Variants in BRWD1 observed in about 807,000 individuals in gnomAD.
BRWD1 encodes the protein bromodomain and WD repeat-containing protein 1.
Under a neutral mutation model 251.2 loss-of-function variants are expected in BRWD1, and 82 were observed. That is an observed-to-expected ratio of 0.33 (90% CI 0.27 to 0.39). The LOEUF is 0.39. Ranked by LOEUF, BRWD1 falls within the 10% of genes least tolerant of loss-of-function variation. The pLI is 1.00. For missense variants in BRWD1, 2,233 were observed against 2,711.6 expected (o/e 0.82, Z 3.92); for synonymous variants, 918 against 902.8 (o/e 1.02, Z -0.30).
Position 39,311,112 on chromosome 21 carries a change from A to G in BRWD1, c.198+1729T>C, listed in dbSNP as rs1305508263. ...CACAGAATTTAAGTGATTTTAAACA[A>G]TAGTAAGTAGGGTTTTAAGCAATTC... On this transcript the variant is annotated intron_variant, in intron 4 of 40. Transcript: ENST00000342449. 5.3e-5 allele frequency among the ~76,000 whole-genome samples: 8 copies of G among 152,124 alleles called. No individual in the cohort carries two copies. The South Asian group carries it at 1.5e-3, about 28-fold the overall frequency.
At position 39,190,444 on chromosome 21, in the gene BRWD1, TAAACTCCTAGA is replaced by T; in HGVS notation, c.*5804_*5814del. On this transcript the variant is annotated 3_prime_UTR_variant, in exon 41 of 41. Coordinates refer to ENST00000342449, the MANE Select transcript of BRWD1 (RefSeq NM_033656.4). The stretch of plus-strand genomic sequence containing the variant: ...AATGAAAACATACTAGCCTCTTTCA[TAAACTCCTAGA>T]ATCTTGACATTATTGGTTGCTGTGG... 1 of 985,374 alleles carries T rather than the reference TAAACTCCTAGA, an allele frequency of 1.0e-6. No homozygotes were observed. Among genetic ancestry groups the T allele is most frequent in the Non-Finnish European group, 1.2e-6 (1 of 829,892 alleles). 61.0% of individuals were successfully genotyped at this position (985,374 alleles called of 1,614,324 possible).
chr21:39,189,384 T>A lies in BRWD1; in HGVS notation c.*6875A>T. On this transcript the variant is annotated 3_prime_UTR_variant, in exon 41 of 41. Coordinates refer to ENST00000342449, the MANE Select transcript of BRWD1 (RefSeq NM_033656.4). Reference sequence around the variant, plus strand: ...CATTTTGATGTGTGATCAAAGTACCTATACTGACAATTTAGGAACCTAGTA... The same window carrying A: ...CATTTTGATGTGTGATCAAAGTACCAATACTGACAATTTAGGAACCTAGTA... 4 of 981,232 alleles carry A rather than the reference T, an allele frequency of 4.1e-6. No homozygotes were observed. Among genetic ancestry groups the A allele is most frequent in the Non-Finnish European group, 4.8e-6 (4 of 826,116 alleles). The allele number at this position is 981,232 out of a possible 1,614,324, so 60.8% of individuals were successfully genotyped here.
intron 19 of BRWD1, among the ~76,000 whole-genome samples, chr21:39,251,773 C>A (rs960265735): frequency 2.0e-5 from 3 of 152,158 alleles, no homozygotes; most frequent in African/African-American, 7.2e-5. Context: ...AGATTTTCAG[C>A]TTGCAGCCAA....
intron 27 of BRWD1, among the ~76,000 whole-genome samples, chr21:39,227,661 A>C (rs1353252710): frequency 6.6e-6 from 1 of 152,174 alleles, no homozygotes; most frequent in Non-Finnish European, 1.5e-5. Context: ...GTTATAAAGC[A>C]AAGTGTATAT....
chr21:39,291,088 G>A (rs775978456), intron 8 of BRWD1, among the ~76,000 whole-genome samples: 3 of 152,124 alleles, frequency 2.0e-5, no homozygotes, highest in Non-Finnish European at 4.4e-5. Context: ...CTGCACCACA[G>A]CACTCCGCCT....
rs1238450403 is a variant in BRWD1 at position 39,195,151 on chromosome 21, A to C, written c.*1108T>G. On this transcript the variant is annotated 3_prime_UTR_variant, in exon 41 of 41. Transcript: ENST00000342449. ...TGGACTAGAAGTCACTAATAAAGAT[A>C]CATTTAGTTGCCCCAGCAAAGAATG... The C allele has an allele frequency of 9.1e-7, 1 of 1,093,266 alleles. No homozygotes were observed. Among genetic ancestry groups the C allele is most frequent in the East Asian group, 7.2e-5 (1 of 13,980 alleles). The allele number at this position is 1,093,266 out of a possible 1,614,324, so 67.7% of individuals were successfully genotyped here.
At chr21:39,244,852 CA>C (rs1265664829) in intron 21 of BRWD1, among the ~76,000 whole-genome samples, 4 of 147,364 alleles carry the variant, frequency 2.7e-5, no homozygotes, top group Non-Finnish European at 5.9e-5. Flanking sequence ...TATTCCAAAC[CA>C]TGATACAACC....
intron 36 of BRWD1, among the ~76,000 whole-genome samples, chr21:39,208,201 T>C (rs117826786): frequency 0.011 from 1,640 of 152,250 alleles, 20 homozygotes; most frequent in Non-Finnish European, 0.017. Context: ...CTTTCAATGG[T>C]GAACTGTATG....
At chr21:39,244,520 C>T (rs1183006837) in intron 21 of BRWD1, among the ~76,000 whole-genome samples, 1 of 152,142 alleles carries the variant, frequency 6.6e-6, no homozygotes, top group Non-Finnish European at 1.5e-5. Context: ...AGAATAGTGC[C>T]TCCCAGGCAT....
At chr21:39,319,818 C>A (rs752449547) in intron 1 of BRWD1, among the ~76,000 whole-genome samples, 1 of 152,176 alleles carries the variant, frequency 6.6e-6, no homozygotes, top group African/African-American at 2.4e-5. Flanking sequence ...TTAAAGTTCT[C>A]CCTGACTCTC....
At chr21:39,314,070 GC>G, upstream of BRWD1, 1 of 456,022 alleles carries the variant, frequency 2.2e-6, no homozygotes, top group Middle Eastern at 3.3e-4. Context: ...GCTCCGGGTC[GC>G]TCGGAAGGGT....
At chr21:39,259,478 T>C (rs189773256) in intron 17 of BRWD1, among the ~76,000 whole-genome samples, 396 of 152,064 alleles carry the variant, frequency 2.6e-3, no homozygotes, top group African/African-American at 9.0e-3. Context: ...TTCTTTTTTT[T>C]CAGTAGAGAC....
chr21:39,276,937 A>G (rs577436778), intron 11 of BRWD1, among the ~76,000 whole-genome samples: 24 of 152,346 alleles, frequency 1.6e-4, no homozygotes, highest in Admixed American at 7.2e-4. Context: ...ATTAGAATAG[A>G]ATTAACAAAA....
chr21:39,213,483 A>T lies in BRWD1; in HGVS notation c.3856T>A (p.Leu1286Met), dbSNP rs1205784659. The T allele has an allele frequency of 6.2e-7, 1 of 1,609,906 alleles. No individual in the cohort carries two copies. Among genetic ancestry groups the T allele is most frequent in the Admixed American group, 1.7e-5 (1 of 59,446 alleles). The change falls in exon 33 of 41, where the codon TTG becomes ATG. Residue 1286 changes from leucine (L) to methionine (M), a missense_variant and splice_region_variant. By Grantham distance (15) the Leu-to-Met change is conservative. Coordinates refer to ENST00000342449, the MANE Select transcript of BRWD1 (RefSeq NM_033656.4). ...SENDEQNAED[L>M]DDSDLPKTSS... ...TATAAAATCAACAAACTTCATACCA[A>T]ATCCTCAGCATTTTGCTCATCATTT...
Position 39,232,486 on chromosome 21 carries a change from T to A in BRWD1, c.2779A>T (p.Met927Leu). The change falls in exon 24 of 41, where the codon ATG becomes TTG. Residue 927 changes from methionine (M) to leucine (L), a missense_variant. By Grantham distance (15) the Met-to-Leu change is conservative. This residue lies in a region of BRWD1 where 214 missense variants were observed against 222.0 expected (regional missense o/e 0.96). Coordinates refer to ENST00000342449, the MANE Select transcript of BRWD1 (RefSeq NM_033656.4). Reference sequence around the variant, plus strand: ...ATATTTGCAAGCTCTGCTGGAGTCATCCTCCGCAAATTCTACCAAGGGGAA... The same window carrying A: ...ATATTTGCAAGCTCTGCTGGAGTCAACCTCCGCAAATTCTACCAAGGGGAA... ...NKPKKENLRRMTPAELANMEH... is the reference protein window; with the variant it reads ...NKPKKENLRRLTPAELANMEH... 1 of 1,588,002 alleles carries A rather than the reference T, an allele frequency of 6.3e-7. No homozygotes were observed. The highest frequency in any genetic ancestry group is 8.5e-7 in the Non-Finnish European group (1 of 1,174,160).
At chr21:39,235,361 A>T (rs1176799767) in intron 23 of BRWD1, 1 of 152,588 alleles carries the variant, frequency 6.6e-6, no homozygotes, top group African/African-American at 2.4e-5. Flanking sequence ...CAATGACAGC[A>T]TTCTTATAAA....
intron 4 of BRWD1, among the ~76,000 whole-genome samples, chr21:39,303,615 A>G (rs1289139797): frequency 6.6e-6 from 1 of 151,064 alleles, no homozygotes; most frequent in Non-Finnish European, 1.5e-5. Context: ...AGATCATTTG[A>G]GCTCAGGAGT....
chr21:39,249,943 T>C (rs891934892), intron 20 of BRWD1, among the ~76,000 whole-genome samples: 16 of 148,072 alleles, frequency 1.1e-4, no homozygotes, highest in Non-Finnish European at 6.0e-5. Context: ...TGTGTGTGTG[T>C]GTGTGTGTGT....
Position 39,192,787 on chromosome 21 carries a change from G to A in BRWD1, c.*3472C>T, listed in dbSNP as rs1413456527. On this transcript the variant is annotated 3_prime_UTR_variant, in exon 41 of 41. Coordinates refer to ENST00000342449, the MANE Select transcript of BRWD1 (RefSeq NM_033656.4). ...AAAGATCGTAAGCACCTTTAACAAT[G>A]TTCTTGCATTCTACTGATATACAAA... 1.0e-6 allele frequency: 1 copy of A among 985,034 alleles called. No individual in the cohort carries two copies. Among genetic ancestry groups the A allele is most frequent in the Admixed American group, 6.2e-5 (1 of 16,210 alleles). The allele number at this position is 985,034 out of a possible 1,614,324, so 61.0% of individuals were successfully genotyped here. A position where few individuals can be genotyped will look rare whatever the true frequency, so the allele number is the denominator to read the frequency against.
Sources: gnomAD v4.1 joint callset for allele counts (sites outside exome capture counted in the v4.1 genomes callset) on GRCh38, gnomAD v4.1.1 for gene constraint, gnomAD v4.1.1 regional missense constraint, MANE v1.5 for transcripts, NCBI Gene and HGNC (gene_info 2026-07-23, HGNC 2026-07-21) for gene names.